Variants in CCDC6 observed in about 807,000 individuals in gnomAD.
CCDC6 encodes the protein coiled-coil domain-containing protein 6.
A neutral mutation model predicts 56.6 loss-of-function variants in CCDC6; 20 were observed. The ratio of observed to expected loss-of-function variants is 0.35; its 90% CI spans 0.25 to 0.51. The LOEUF is 0.51. Among genes scored for constraint, CCDC6 ranks in the 20% least tolerant of loss-of-function variants. CCDC6 has a pLI of 0.95. For missense variants in CCDC6, 367 were observed against 601.1 expected (o/e 0.61, Z 4.07); for synonymous variants, 241 against 234.4 (o/e 1.03, Z -0.26).
intron 3 of CCDC6, among the ~76,000 whole-genome samples, chr10:59,817,145 T>C (rs533685154): frequency 3.3e-5 from 5 of 152,336 alleles, no homozygotes; most frequent in Admixed American, 1.3e-4. Context: ...GCATTCATCA[T>C]ACACTTTGGC....
In CCDC6 at chr10:59,792,844, A is replaced by C. The variant is rs1349740066; in HGVS notation, c.*73T>G. 1 of 1,422,382 alleles carries C rather than the reference A, an allele frequency of 7.0e-7. No individual in the cohort carries two copies. Among genetic ancestry groups the C allele is most frequent in the East Asian group, 2.3e-5 (1 of 43,944 alleles). 88.1% of individuals were successfully genotyped at this position (1,422,382 alleles called of 1,614,324 possible). A position where few individuals can be genotyped will look rare whatever the true frequency, so the allele number is the denominator to read the frequency against. ...AAGTCATATCCAAATATGCCAGAGAAGGAAGCCTTTGGCGTTGAGTAGACG... is the reference window on the plus strand; with the variant it reads ...AAGTCATATCCAAATATGCCAGAGACGGAAGCCTTTGGCGTTGAGTAGACG... On this transcript the variant is annotated 3_prime_UTR_variant, in exon 9 of 9. Coordinates refer to ENST00000263102, the MANE Select transcript of CCDC6 (RefSeq NM_005436.5).
At chr10:59,896,357 C>T (rs1028405291) in intron 1 of CCDC6, among the ~76,000 whole-genome samples, 1 of 152,204 alleles carries the variant, frequency 6.6e-6, no homozygotes, top group African/African-American at 2.4e-5. Flanking sequence ...ATTCCCTCAT[C>T]CAGCATCTCC....
At position 59,872,089 on chromosome 10, in the gene CCDC6, G is replaced by A. The variant is rs377703625; in HGVS notation, c.304-19387C>T. Among the ~76,000 whole-genome samples, 33 of 152,204 alleles carry A rather than the reference G, an allele frequency of 2.2e-4. No individual in the cohort carries two copies. In the East Asian group the frequency reaches 5.0e-3, roughly 23 times the overall value. On this transcript the variant is annotated intron_variant, in intron 1 of 8. Coordinates refer to ENST00000263102, the MANE Select transcript of CCDC6 (RefSeq NM_005436.5). ...TTTACAAAATTGGTTCACATTACAC[G>A]CACACTGTATCCTCACTCCACTTAC...
chr10:59,862,584 CATAT>C (rs1370945784), intron 1 of CCDC6, among the ~76,000 whole-genome samples: 6 of 146,070 alleles, frequency 4.1e-5, no homozygotes, highest in African/African-American at 1.3e-4. Context: ...CACACACACA[CATAT>C]ATAAAACCTC....
intron 3 of CCDC6, among the ~76,000 whole-genome samples, chr10:59,820,484 A>G (rs2132636425): frequency 6.6e-6 from 1 of 152,336 alleles, no homozygotes; most frequent in Non-Finnish European, 1.5e-5. Flanking sequence ...CAGGCGTAAT[A>G]AAGAAAAGGT....
intron 1 of CCDC6, among the ~76,000 whole-genome samples, chr10:59,853,252 G>A (rs1276091929): frequency 6.6e-6 from 1 of 152,204 alleles, no homozygotes; most frequent in Non-Finnish European, 1.5e-5. Flanking sequence ...GGCATTATGG[G>A]CCAGGTGCAG....
chr10:59,852,705 GT>G lies in CCDC6; in HGVS notation c.304-4del. ...TCTTCCTGCTCAGCCCTGGCTTGCT[GT>G]TTAAAAAAAAAAAAGGAAAGAACAA... On this transcript the variant is annotated splice_polypyrimidine_tract_variant and splice_region_variant and intron_variant, in intron 1 of 8. Coordinates refer to ENST00000263102, the MANE Select transcript of CCDC6 (RefSeq NM_005436.5). The G allele has an allele frequency of 6.7e-6, 10 of 1,490,854 alleles. No individual in the cohort carries two copies. The highest frequency in any genetic ancestry group is 1.6e-5 in the African/African-American group (1 of 60,832). The allele number at this position is 1,490,854 out of a possible 1,614,324, so 92.4% of individuals were successfully genotyped here.
At chr10:59,851,507 T>C (rs895185877) in intron 2 of CCDC6, among the ~76,000 whole-genome samples, 18 of 152,276 alleles carry the variant, frequency 1.2e-4, no homozygotes, top group African/African-American at 4.1e-4. Flanking sequence ...ATGAGACTAA[T>C]AGAAAGACAG....
intron 3 of CCDC6, among the ~76,000 whole-genome samples, chr10:59,822,409 T>C (rs958588621): frequency 6.6e-6 from 1 of 152,238 alleles, no homozygotes; most frequent in African/African-American, 2.4e-5. Flanking sequence ...GAAATTTGCA[T>C]ACTGGGTTCA....
chr10:59,808,181 A>G (rs1326313698), intron 5 of CCDC6, among the ~76,000 whole-genome samples: 1 of 152,084 alleles, frequency 6.6e-6, no homozygotes, highest in African/African-American at 2.4e-5. Context: ...CCCAGGACAG[A>G]GCTGACTAGC....
rs117467430 is a variant in CCDC6 at position 59,858,684 on chromosome 10, C to A, written c.304-5982G>T. On this transcript the variant is annotated intron_variant, in intron 1 of 8. Transcript: ENST00000263102. ...CTAGAACACAGCTTTGCATACACACCTCATCATGTCAGTTCAAAAACACTC... is the reference window on the plus strand; with the variant it reads ...CTAGAACACAGCTTTGCATACACACATCATCATGTCAGTTCAAAAACACTC... 7.2e-5 allele frequency among the ~76,000 whole-genome samples: 11 copies of A among 152,296 alleles called. No individual in the cohort carries two copies. The East Asian group carries it at 1.9e-3, about 27-fold the overall frequency.
rs528973507 is a variant in CCDC6 at position 59,791,303 on chromosome 10, T to C, written c.*1614A>G. ...GCAGGAAGAGGTGAAAAAATCTTAT[T>C]GTTGCTTTTACTCTCAAGTTCTTAA... is the stretch of plus-strand genomic sequence containing the variant. On this transcript the variant is annotated 3_prime_UTR_variant, in exon 9 of 9. Coordinates refer to ENST00000263102, the MANE Select transcript of CCDC6 (RefSeq NM_005436.5). 87 of 201,660 alleles carry C rather than the reference T, an allele frequency of 4.3e-4. No homozygotes were observed. The highest frequency in any genetic ancestry group is 7.2e-4 in the Non-Finnish European group (71 of 98,032). 12.5% of individuals were successfully genotyped at this position (201,660 alleles called of 1,614,324 possible). A position where few individuals can be genotyped will look rare whatever the true frequency, so the allele number is the denominator to read the frequency against.
chr10:59,878,613 G>T (rs1200108920), intron 1 of CCDC6, among the ~76,000 whole-genome samples: 1 of 152,140 alleles, frequency 6.6e-6, no homozygotes, highest in Non-Finnish European at 1.5e-5. Flanking sequence ...AGTATGTTCT[G>T]GTCAAGTCAC....
intron 5 of CCDC6, among the ~76,000 whole-genome samples, chr10:59,810,013 T>G (rs922220830): frequency 1.3e-5 from 2 of 152,170 alleles, no homozygotes; most frequent in Non-Finnish European, 1.5e-5. Context: ...AAAATACCAG[T>G]GCCCAGACTA....
chr10:59,794,165 T>C (rs762408109), intron 8 of CCDC6, among the ~76,000 whole-genome samples: 2 of 152,206 alleles, frequency 1.3e-5, no homozygotes, highest in Admixed American at 1.3e-4. Context: ...TTAGACATTA[T>C]GGCAACCAAC....
intron 1 of CCDC6, among the ~76,000 whole-genome samples, chr10:59,876,073 C>CTTTT (rs1172379933): frequency 3.1e-5 from 3 of 97,586 alleles, no homozygotes; most frequent in Admixed American, 1.3e-4. Context: ...GCACAGATGT[C>CTTTT]TTTTTTTTTT....
intron 1 of CCDC6, among the ~76,000 whole-genome samples, chr10:59,889,984 A>G (rs980394253): frequency 7.9e-5 from 12 of 152,100 alleles, no homozygotes; most frequent in Non-Finnish European, 1.8e-4. Flanking sequence ...TCAACTCCAC[A>G]TGGTTTGTTT....
At chr10:59,841,731 G>A (rs2070941438) in intron 2 of CCDC6, among the ~76,000 whole-genome samples, 1 of 151,396 alleles carries the variant, frequency 6.6e-6, no homozygotes, top group Non-Finnish European at 1.5e-5. Flanking sequence ...GCGTTGGCGT[G>A]ATCTCGGCTC....
intron 1 of CCDC6, among the ~76,000 whole-genome samples, chr10:59,888,648 C>G (rs1393328372): frequency 6.6e-6 from 1 of 152,194 alleles, no homozygotes; most frequent in African/African-American, 2.4e-5. Context: ...GTTTACCTTT[C>G]AAACACTAAT....
Sources: allele counts gnomAD v4.1 joint callset (sites outside exome capture counted in the v4.1 genomes callset), GRCh38; gene constraint gnomAD v4.1.1; transcripts MANE v1.5; gene names NCBI Gene and HGNC (gene_info 2026-07-23, HGNC 2026-07-21).